SGK2: variants seen among roughly 807,000 people sequenced by gnomAD.
SGK2 encodes the protein serine/threonine-protein kinase Sgk2.
SGK2 carries 36 observed loss-of-function variants against 47.5 expected under a neutral mutation model. The ratio of observed to expected loss-of-function variants is 0.76; its 90% CI spans 0.58 to 1.00. The LOEUF (loss-of-function observed/expected upper bound fraction) is 1.00. Ranked by LOEUF, SGK2 falls within the 50% of genes least tolerant of loss-of-function variation. The probability of loss-of-function intolerance (pLI) is 0.00; values close to 1 mark genes in which losing one functional copy is unlikely to be tolerated. For synonymous variants in SGK2, 157 were observed against 181.9 expected, an observed-to-expected ratio of 0.86 and a Z score of 1.10; for missense variants, 404 against 467.4, an observed-to-expected ratio of 0.86 and a Z score of 1.25.
chr20:43,583,184 A>C, intron 12 of SGK2: 1 of 1,289,292 alleles, frequency 7.8e-7, no homozygotes, highest in Non-Finnish European at 1.0e-6. Flanking sequence ...ATCAGATAGG[A>C]TACACTCGGG....
At position 43,566,465 on chromosome 20, in the gene SGK2, C is replaced by T. The variant is rs372074467; in HGVS notation, c.-23-8C>T. 5 of 1,614,022 alleles carry T rather than the reference C, an allele frequency of 3.1e-6. No homozygotes were observed. The Admixed American group carries it at 5.0e-5, about 16-fold the overall frequency. ...CTCTCTCATGCCTGCTCCTCCCTGT[C>T]CCCCCAGAGCTGCCTGATCATTGCT... On this transcript the variant is annotated splice_polypyrimidine_tract_variant and splice_region_variant and intron_variant, in intron 1 of 12. Transcript: ENST00000373100.
At chr20:43,583,343 G>A (rs1240145848) in intron 12 of SGK2, 40 of 1,277,940 alleles carry the variant, frequency 3.1e-5, no homozygotes, top group Non-Finnish European at 4.0e-5. Context: ...CTGGATTCCT[G>A]GTTTTGTCAC....
intron 1 of SGK2, 108 bp from the exon 2 acceptor site, chr20:43,566,365 G>T (rs752604566): frequency 6.2e-7 from 1 of 1,613,988 alleles, no homozygotes; most frequent in South Asian, 1.1e-5. Context: ...GGTGGCAGGT[G>T]CACAGGTAGG....
chr20:43,580,026 C>T lies in SGK2; in HGVS notation c.904C>T (p.His302Tyr). ...FSPINWDDLY[H>Y]KRLTPPFNPN... ...CCCCATAAACTGGGATGACCTGTAC[C>T]ACAAGAGGCTAACTCCACCCTTCAA... Residue 302 changes from histidine (H) to tyrosine (Y), a missense_variant, in exon 12 of 13, where the codon CAC (histidine) becomes TAC (tyrosine). Transcript: ENST00000373100. The T allele has an allele frequency of 6.2e-7, 1 of 1,609,748 alleles. No individual in the cohort carries two copies. The highest frequency in any genetic ancestry group is 1.7e-4 in the Middle Eastern group (1 of 6,042).
chr20:43,584,524 C>A (rs888447528), intron 12 of SGK2, among the ~76,000 whole-genome samples: 1 of 152,100 alleles, frequency 6.6e-6, no homozygotes, highest in African/African-American at 2.4e-5. Context: ...AATCCTCCTA[C>A]CCCCCACACA....
At chr20:43,560,381 C>A (rs1022503409) in intron 1 of SGK2, among the ~76,000 whole-genome samples, 1 of 151,838 alleles carries the variant, frequency 6.6e-6, no homozygotes, top group Non-Finnish European at 1.5e-5. Context: ...TGCCCGTAAT[C>A]CCAGCTATTT....
At chr20:43,575,794 G>T (rs1432239727) in intron 10 of SGK2, among the ~76,000 whole-genome samples, 1 of 152,184 alleles carries the variant, frequency 6.6e-6, no homozygotes, top group Non-Finnish European at 1.5e-5. Context: ...GTGGGAGGAA[G>T]AATAGTAAGA....
Position 43,570,740 on chromosome 20 carries a change from C to G in SGK2, c.473+11C>G, listed in dbSNP as rs768356767. 1.9e-6 allele frequency: 3 copies of G among 1,591,492 alleles called. No homozygotes were observed. The Admixed American group carries it at 5.0e-5, about 27-fold the overall frequency. On this transcript the variant is annotated intron_variant, in intron 7 of 12. Transcript: ENST00000373100. ...CAACATCATTTACAGGTGAGGCCTG[C>G]CTGTGGCTCAGAGCCAGGACCAAGC...
intron 11 of SGK2, among the ~76,000 whole-genome samples, chr20:43,576,971 T>TG (rs1980499484): frequency 6.6e-6 from 1 of 151,978 alleles, no homozygotes; most frequent in Non-Finnish European, 1.5e-5. Context: ...AGTTTGGGAT[T>TG]GGGGGCAGGC....
intron 1 of SGK2, among the ~76,000 whole-genome samples, chr20:43,563,135 C>CCAAAAAAAAAAAA (rs1979490916): frequency 1.4e-5 from 1 of 70,650 alleles, no homozygotes. Context: ...GACTCTGTCT[C>CCAAAAAAAAAAAA]AAAAAAAAAA....
At chr20:43,560,276 A>T (rs916344403) in intron 1 of SGK2, among the ~76,000 whole-genome samples, 6 of 152,194 alleles carry the variant, frequency 3.9e-5, no homozygotes, top group Non-Finnish European at 7.3e-5. Flanking sequence ...AGGCAGGCGG[A>T]TCACCTGAGG....
chr20:43,577,675 GCT>G (rs201922707), intron 11 of SGK2, among the ~76,000 whole-genome samples: 3,876 of 133,672 alleles, frequency 0.029, 64 homozygotes, highest in Middle Eastern at 0.056. Flanking sequence ...ACTGAGTCTC[GCT>G]CTGTCACCCA....
chr20:43,570,741 C>T lies in SGK2; in HGVS notation c.473+12C>T, dbSNP rs900135963. On this transcript the variant is annotated intron_variant, in intron 7 of 12. Coordinates refer to ENST00000373100, the MANE Select transcript of SGK2 (RefSeq NM_170693.3). ...AACATCATTTACAGGTGAGGCCTGC[C>T]TGTGGCTCAGAGCCAGGACCAAGCC... The T allele has an allele frequency of 1.0e-5, 16 of 1,592,808 alleles. No homozygotes were observed. The highest frequency in any genetic ancestry group is 1.7e-5 in the Admixed American group (1 of 59,564).
intron 11 of SGK2, 113 bp from the exon 12 acceptor site, chr20:43,579,859 T>C: frequency 1.3e-6 from 1 of 756,794 alleles, no homozygotes; most frequent in East Asian, 2.5e-5. Flanking sequence ...TGCAAGTTAA[T>C]TTCCAGTTGA....
intron 1 of SGK2, chr20:43,565,118 T>C (rs3787273): frequency 0.13 from 19,683 of 152,392 alleles, 1,603 homozygotes; most frequent in African/African-American, 0.22. Flanking sequence ...TGACATCAGC[T>C]AGCCCCCTCG....
intron 1 of SGK2, among the ~76,000 whole-genome samples, chr20:43,563,511 G>C (rs764213905): frequency 1.3e-5 from 2 of 152,150 alleles, no homozygotes; most frequent in Non-Finnish European, 2.9e-5. Flanking sequence ...CATTTGGAAC[G>C]GGCTCAAAAG....
In SGK2 at chr20:43,585,225, C is replaced by A. The variant is rs1430660180; in HGVS notation, c.*209C>A. On this transcript the variant is annotated 3_prime_UTR_variant, in exon 13 of 13. Transcript: ENST00000373100. The stretch of plus-strand genomic sequence containing the variant: ...AGAGGCTGTATCTCTGCCCTGCCAA[C>A]CTTGACAAATGGCTTCCAATGTTAG... 5.2e-6 allele frequency: 2 copies of A among 387,164 alleles called. No homozygotes were observed. Among genetic ancestry groups the A allele is most frequent in the South Asian group, 5.0e-5 (1 of 19,982 alleles). 24.0% of individuals were successfully genotyped at this position (387,164 alleles called of 1,614,324 possible).
intron 12 of SGK2, among the ~76,000 whole-genome samples, chr20:43,582,812 C>T (rs1187563530): frequency 2.6e-5 from 4 of 152,162 alleles, no homozygotes; most frequent in Non-Finnish European, 2.9e-5. Flanking sequence ...CCCAGCCTCC[C>T]GAGTAGCTGG....
At chr20:43,580,727 C>CAA (rs764803627) in intron 12 of SGK2, among the ~76,000 whole-genome samples, 38 of 68,734 alleles carry the variant, frequency 5.5e-4, no homozygotes, top group African/African-American at 1.6e-3. Context: ...GACTTCATCT[C>CAA]AAAAAAAAAA....
Sources: gnomAD v4.1 joint callset for allele counts (sites outside exome capture counted in the v4.1 genomes callset) on GRCh38, gnomAD v4.1.1 for gene constraint, MANE v1.5 for transcripts, NCBI Gene and HGNC (gene_info 2026-07-23, HGNC 2026-07-21) for gene names.